The following TIPARP variants were observed in gnomAD, a reference collection of about 807,000 sequenced individuals.
The protein encoded by TIPARP is TCDD inducible poly(ADP-ribose) polymerase, also known as protein mono-ADP-ribosyltransferase TIPARP.
A neutral mutation model predicts 56.5 loss-of-function variants in TIPARP; 12 were observed. The ratio of observed to expected loss-of-function variants is 0.21; its 90% CI spans 0.14 to 0.34. The LOEUF is 0.34. Among genes scored for constraint, TIPARP ranks in the 10% least tolerant of loss-of-function variants. The pLI, the probability that TIPARP is intolerant of heterozygous loss-of-function variation, is 1.00. For missense variants in TIPARP, 604 were observed against 781.6 expected, an observed-to-expected ratio of 0.77 and a Z score of 2.71; for synonymous variants, 296 against 265.7, an observed-to-expected ratio of 1.11 and a Z score of -1.11.
At chr3:156,696,086 T>C in intron 4 of TIPARP, 61 bp downstream of exon 4, 1 of 1,529,240 alleles carries the variant, frequency 6.5e-7, no homozygotes, top group Non-Finnish European at 8.8e-7. Context: ...CATTCCTGAA[T>C]ACTAGAGATA....
chr3:156,688,452 T>A lies in TIPARP; in HGVS notation c.918-5568T>A, dbSNP rs145109276. Among the ~76,000 whole-genome samples the A allele has an allele frequency of 5.3e-4, 78 of 146,584 alleles. No homozygotes were observed. The East Asian group carries it at 0.014, about 26-fold the overall frequency. On this transcript the variant is annotated intron_variant, in intron 2 of 5. Coordinates refer to ENST00000295924, the MANE Select transcript of TIPARP (RefSeq NM_015508.5). ...GAGTATTAAAAGATGTTGCTTTGGA[T>A]GTAAGCATTTATGAATAAGTTTTAT...
At chr3:156,684,401 G>A (rs1185436861) in intron 2 of TIPARP, among the ~76,000 whole-genome samples, 1 of 152,176 alleles carries the variant, frequency 6.6e-6, no homozygotes, top group African/African-American at 2.4e-5. Context: ...AAATACTTCT[G>A]AAGTTCACCA....
intron 2 of TIPARP, chr3:156,681,072 C>T: frequency 2.2e-6 from 1 of 449,150 alleles, no homozygotes. Context: ...GACTTGTGGT[C>T]ATTGCAACCT....
chr3:156,679,910 C>T (rs571302322), intron 2 of TIPARP, among the ~76,000 whole-genome samples: 1 of 152,158 alleles, frequency 6.6e-6, no homozygotes, highest in Non-Finnish European at 1.5e-5. Context: ...GTTCGCATTA[C>T]AGAAACATGG....
At position 156,706,144 on chromosome 3, in the gene TIPARP, G is replaced by A. The variant is rs187348713; in HGVS notation, c.*1013G>A. 3.3e-3 allele frequency: 499 copies of A among 152,740 alleles called. 2 individuals carry two copies. The highest frequency in any genetic ancestry group is 3.3e-3 in the Non-Finnish European group (224 of 68,030). 9.5% of individuals were successfully genotyped at this position (152,740 alleles called of 1,614,324 possible). ...TTGTCAGATACAGCTGGGTTCCCTG[G>A]CTGACTCTGTACCTTACTTACACTA... On this transcript the variant is annotated 3_prime_UTR_variant, in exon 6 of 6. Coordinates refer to ENST00000295924, the MANE Select transcript of TIPARP (RefSeq NM_015508.5).
Position 156,705,335 on chromosome 3 carries a change from A to C in TIPARP, c.*204A>C. Reference sequence around the variant, plus strand: ...CCACTTACTCTTTAATTATTTACTAATTGCTAGTGTACTCAGTGTGGAAAA... The same window carrying C: ...CCACTTACTCTTTAATTATTTACTACTTGCTAGTGTACTCAGTGTGGAAAA... On this transcript the variant is annotated 3_prime_UTR_variant, in exon 6 of 6. Transcript: ENST00000295924. 4 of 488,614 alleles carry C rather than the reference A, an allele frequency of 8.2e-6. No individual in the cohort carries two copies. The highest frequency in any genetic ancestry group is 1.4e-5 in the Non-Finnish European group (4 of 276,676). The allele number at this position is 488,614 out of a possible 1,614,324, so 30.3% of individuals were successfully genotyped here. A position where few individuals can be genotyped will look rare whatever the true frequency, so the allele number is the denominator to read the frequency against.
intron 2 of TIPARP, among the ~76,000 whole-genome samples, chr3:156,692,042 A>G (rs1722589460): frequency 1.3e-5 from 2 of 152,188 alleles, no homozygotes; most frequent in African/African-American, 4.8e-5. Context: ...TCTGACACTA[A>G]ACAGCAAAAA....
intron 2 of TIPARP, among the ~76,000 whole-genome samples, chr3:156,689,541 G>A (rs1374012608): frequency 6.6e-6 from 1 of 152,170 alleles, no homozygotes; most frequent in African/African-American, 2.4e-5. Flanking sequence ...CAACTGGAGT[G>A]ACCTTTATAA....
At chr3:156,676,103 G>C (rs1722118528) in intron 1 of TIPARP, among the ~76,000 whole-genome samples, 1 of 152,232 alleles carries the variant, frequency 6.6e-6, no homozygotes, top group African/African-American at 2.4e-5. Context: ...GCACAGGCCG[G>C]TTTGGTATGG....
Position 156,705,181 on chromosome 3 carries a change from G to A in TIPARP, c.*50G>A. 1 of 634,416 alleles carries A rather than the reference G, an allele frequency of 1.6e-6. No homozygotes were observed. The highest frequency in any genetic ancestry group is 2.5e-6 in the Non-Finnish European group (1 of 397,922). The allele number at this position is 634,416 out of a possible 1,614,324, so 39.3% of individuals were successfully genotyped here. A position where few individuals can be genotyped will look rare whatever the true frequency, so the allele number is the denominator to read the frequency against. ...TTGATATGAACTCAATCCAGCATTT[G>A]TAGCAGGTTTTGAATGGGTGGGACT... On this transcript the variant is annotated 3_prime_UTR_variant, in exon 6 of 6. Transcript: ENST00000295924.
chr3:156,682,101 A>C (rs902580158), intron 2 of TIPARP, among the ~76,000 whole-genome samples: 4 of 152,206 alleles, frequency 2.6e-5, no homozygotes, highest in Admixed American at 2.0e-4. Context: ...AAACAAGATC[A>C]CCACTAGTTT....
rs1161940079 is a variant in TIPARP, at chr3:156,694,128, T to C, written c.1026T>C (p.Ile342=). The C allele has an allele frequency of 6.2e-7, 1 of 1,613,512 alleles. No individual in the cohort carries two copies. The highest frequency in any genetic ancestry group is 2.2e-5 in the East Asian group (1 of 44,846). The change falls in exon 3 of 6, where the codon ATT becomes ATC. Residue 342 remains isoleucine, a synonymous_variant. Transcript: ENST00000295924. ...CACCCTCTAGCAATGTCAACTCTAT[T>C]TACCACACAGTCTGGAAATTCTTCT... The part of the protein sequence containing the change: ...STPPSSNVNS[I]YHTVWKFFCR...
rs773424243 is a variant in TIPARP, at chr3:156,678,361, C to T, written c.664C>T (p.Leu222Phe). 2.1e-5 allele frequency: 34 copies of T among 1,614,086 alleles called. No individual in the cohort carries two copies. The highest frequency in any genetic ancestry group is 2.8e-5 in the Non-Finnish European group (33 of 1,180,036). ...CAAAAGTGAAGAGGCTTCCCTTGAC[C>T]TCGTGTTTGAGCTGGTGAACCAGTT... ...QDKSEEASLD[L>F]VFELVNQLQY... is the part of the protein sequence containing the mutation. Residue 222 changes from leucine (L) to phenylalanine (F), a missense_variant, in exon 2 of 6, where the codon CTC becomes TTC. This residue lies in a region of TIPARP where 261 missense variants were observed against 279.2 expected (regional missense o/e 0.93). Transcript: ENST00000295924.
chr3:156,676,691 C>G (rs1201505892), intron 1 of TIPARP: 1 of 152,130 alleles, frequency 6.6e-6, no homozygotes, highest in Non-Finnish European at 1.5e-5. Context: ...CTGGCACAAT[C>G]TCAGTAAATG....
chr3:156,684,692 A>G (rs112690402), intron 2 of TIPARP, among the ~76,000 whole-genome samples: 14,870 of 152,278 alleles, frequency 0.098, 878 homozygotes, highest in African/African-American at 0.16. Context: ...TCGGCCTCAC[A>G]AAGTGCTAGG....
intron 1 of TIPARP, chr3:156,675,126 C>G (rs998720245): frequency 1.3e-5 from 2 of 152,272 alleles, no homozygotes; most frequent in African/African-American, 2.4e-5. Flanking sequence ...GCGGCCTCCC[C>G]CGCGGGCCGA....
intron 2 of TIPARP, among the ~76,000 whole-genome samples, chr3:156,684,762 TA>T (rs1722391463): frequency 6.6e-6 from 1 of 152,164 alleles, no homozygotes; most frequent in Admixed American, 6.5e-5. Flanking sequence ...CAAAACTAAA[TA>T]GGGCTTATTT....
intron 2 of TIPARP, among the ~76,000 whole-genome samples, chr3:156,690,470 C>G (rs1159655058): frequency 1.3e-5 from 2 of 152,034 alleles, no homozygotes; most frequent in Non-Finnish European, 2.9e-5. Context: ...AAGAGGAGAA[C>G]CATTGTTATA....
At chr3:156,687,940 T>C (rs1198474318) in intron 2 of TIPARP, among the ~76,000 whole-genome samples, 1 of 152,216 alleles carries the variant, frequency 6.6e-6, no homozygotes, top group Non-Finnish European at 1.5e-5. Flanking sequence ...TAATGATCAC[T>C]TCTTCAAGAA....
Sources: allele counts gnomAD v4.1 joint callset (sites outside exome capture counted in the v4.1 genomes callset), GRCh38; gene constraint gnomAD v4.1.1; regional missense constraint gnomAD v4.1.1; transcripts MANE v1.5; gene names NCBI Gene and HGNC (gene_info 2026-07-23, HGNC 2026-07-21).